KIRREL3: variants seen among roughly 807,000 people sequenced by gnomAD.
KIRREL3 encodes the protein kin of IRRE-like protein 3.
KIRREL3 carries 36 observed loss-of-function variants against 89.7 expected under a neutral mutation model. The observed-to-expected ratio is 0.40, with a 90% CI of 0.31 to 0.53. KIRREL3 has a LOEUF of 0.53. KIRREL3 is among the 20% of genes least tolerant of loss of function. KIRREL3 has a pLI of 0.49. For synonymous variants in KIRREL3, 445 were observed against 441.4 expected (o/e 1.01, Z -0.10); for missense variants, 864 against 1,056.6 (o/e 0.82, Z 2.53).
At chr11:126,937,384 T>C (rs186021293) in intron 1 of KIRREL3, among the ~76,000 whole-genome samples, 67 of 152,354 alleles carry the variant, frequency 4.4e-4, no homozygotes, top group Non-Finnish European at 7.8e-4. Context: ...TGCCTTAACA[T>C]ACACTAGCTC....
intron 1 of KIRREL3, among the ~76,000 whole-genome samples, chr11:126,757,141 C>T (rs923718358): frequency 6.6e-6 from 1 of 152,154 alleles, no homozygotes; most frequent in Admixed American, 6.5e-5. Context: ...AATTCCATCT[C>T]CATTTCATGG....
chr11:126,904,035 A>C lies in KIRREL3; in HGVS notation c.55+96420T>G, dbSNP rs1028101117. On this transcript the variant is annotated intron_variant, in intron 1 of 16. Coordinates refer to ENST00000525144, the MANE Select transcript of KIRREL3 (RefSeq NM_032531.4). The surrounding 1 kb of genome is among the most constrained non-coding windows in gnomAD (Gnocchi z 4.4). ...CAACTCTGGCCTGGAGGTAATTCTCAAGCAGGGATTTCTGCACTGGGAGGA... is the reference window on the plus strand; with the variant it reads ...CAACTCTGGCCTGGAGGTAATTCTCCAGCAGGGATTTCTGCACTGGGAGGA... Among the ~76,000 whole-genome samples, 5 of 152,214 alleles carry C rather than the reference A, an allele frequency of 3.3e-5. No homozygotes were observed. Among genetic ancestry groups the C allele is most frequent in the African/African-American group, 1.2e-4 (5 of 41,546 alleles).
intron 1 of KIRREL3, among the ~76,000 whole-genome samples, chr11:126,926,625 C>T (rs1464707024): frequency 6.6e-6 from 1 of 152,156 alleles, no homozygotes; most frequent in Non-Finnish European, 1.5e-5. Context: ...GCTGCCAGAG[C>T]TCTGCCTGGA....
chr11:126,737,286 T>C (rs980060308), intron 1 of KIRREL3, among the ~76,000 whole-genome samples: 4 of 151,802 alleles, frequency 2.6e-5, no homozygotes, highest in African/African-American at 9.7e-5. Context: ...GGAGCAGGGA[T>C]GCACCTTCAG....
chr11:126,976,793 A>G lies in KIRREL3; in HGVS notation c.55+23662T>C, dbSNP rs1398753728. Among the ~76,000 whole-genome samples, 2 of 152,166 alleles carry G rather than the reference A, an allele frequency of 1.3e-5. No homozygotes were observed. The highest frequency in any genetic ancestry group is 4.8e-5 in the African/African-American group (2 of 41,440). On this transcript the variant is annotated intron_variant, in intron 1 of 16. Transcript: ENST00000525144. The surrounding 1 kb of genome is among the most constrained non-coding windows in gnomAD (Gnocchi z 4.2). ...GATATGTCTACATCATAGAAGGGTAAAGGAGAGGGGAGGTTACTACTGGCA... is the reference window on the plus strand; with the variant it reads ...GATATGTCTACATCATAGAAGGGTAGAGGAGAGGGGAGGTTACTACTGGCA...
upstream of KIRREL3, among the ~76,000 whole-genome samples, chr11:127,001,667 C>T (rs762236365): frequency 3.9e-5 from 6 of 152,160 alleles, no homozygotes; most frequent in Non-Finnish European, 7.3e-5. Flanking sequence ...TCAAATCAAA[C>T]TCGGTTTCCT....
At chr11:126,517,331 G>T (rs1204657528) in intron 4 of KIRREL3, among the ~76,000 whole-genome samples, 1 of 152,172 alleles carries the variant, frequency 6.6e-6, no homozygotes, top group African/African-American at 2.4e-5. Context: ...CTTGCCCAAG[G>T]TCACCCAGTT....
rs560444127 is a variant in KIRREL3, at chr11:126,817,905, C to T, written c.55+182550G>A. 2.0e-4 allele frequency among the ~76,000 whole-genome samples: 31 copies of T among 152,304 alleles called. No homozygotes were observed. Among genetic ancestry groups the T allele is most frequent in the African/African-American group, 3.1e-4 (13 of 41,570 alleles). On this transcript the variant is annotated intron_variant, in intron 1 of 16. Transcript: ENST00000525144. The surrounding 1 kb of genome is among the most constrained non-coding windows in gnomAD (Gnocchi z 5.7). ...TGGGAAGCTCTAGATCTTGGCACCCCGTCCTCTTGGCTCTGGCTGAGCCAC... is the reference window on the plus strand; with the variant it reads ...TGGGAAGCTCTAGATCTTGGCACCCTGTCCTCTTGGCTCTGGCTGAGCCAC...
In KIRREL3 at chr11:126,664,875, C is replaced by G. The variant is rs1347023900; in HGVS notation, c.56-101963G>C. On this transcript the variant is annotated intron_variant, in intron 1 of 16. Transcript: ENST00000525144. This position sits in a 1 kb window ranked among gnomAD's most constrained non-coding sequence, Gnocchi z 5.4. ...CATTCCCTGCCTCAACCACAGGTAG[C>G]TGGAGCTCATTCTACAGTGTCCAGA... is the stretch of plus-strand genomic sequence containing the variant. Among the ~76,000 whole-genome samples, 1 of 152,206 alleles carries G rather than the reference C, an allele frequency of 6.6e-6. No individual in the cohort carries two copies. Among genetic ancestry groups the G allele is most frequent in the Non-Finnish European group, 1.5e-5 (1 of 68,032 alleles).
rs1958097035 is a variant in KIRREL3 at position 126,508,443 on chromosome 11, G to C, written c.433+12872C>G. Among the ~76,000 whole-genome samples the C allele has an allele frequency of 6.6e-6, 1 of 152,170 alleles. No individual in the cohort carries two copies. Among genetic ancestry groups the C allele is most frequent in the Admixed American group, 6.5e-5 (1 of 15,284 alleles). On this transcript the variant is annotated intron_variant, in intron 4 of 16. Transcript: ENST00000525144. The surrounding 1 kb of genome is among the most constrained non-coding windows in gnomAD (Gnocchi z 4.9). ...ATGCTGCGGGTCTCGGGGCTCCCCAGGTCCATCTGAGGAGGAGGGGCTGCC... is the reference window on the plus strand; with the variant it reads ...ATGCTGCGGGTCTCGGGGCTCCCCACGTCCATCTGAGGAGGAGGGGCTGCC...
At chr11:126,602,984 T>G (rs1271005644) in intron 1 of KIRREL3, among the ~76,000 whole-genome samples, 1 of 152,094 alleles carries the variant, frequency 6.6e-6, no homozygotes, top group Non-Finnish European at 1.5e-5. Flanking sequence ...GACTGAGGCA[T>G]AGAGACCAAT....
In KIRREL3 at chr11:126,645,313, T is replaced by C. The variant is rs1944624040; in HGVS notation, c.56-82401A>G. Among the ~76,000 whole-genome samples the C allele has an allele frequency of 6.6e-6, 1 of 152,164 alleles. No homozygotes were observed. Among genetic ancestry groups the C allele is most frequent in the South Asian group, 2.1e-4 (1 of 4,820 alleles). ...TTTATGAAGACCTCCAGCGTCTTCA[T>C]GTGTGGTCCTCAAATCCTGAATACT... On this transcript the variant is annotated intron_variant, in intron 1 of 16. Coordinates refer to ENST00000525144, the MANE Select transcript of KIRREL3 (RefSeq NM_032531.4). The surrounding 1 kb of genome is among the most constrained non-coding windows in gnomAD (Gnocchi z 4.9).
At chr11:126,815,700 A>AT (rs1354028110) in intron 1 of KIRREL3, among the ~76,000 whole-genome samples, 1 of 152,046 alleles carries the variant, frequency 6.6e-6, no homozygotes, top group Admixed American at 6.6e-5. Flanking sequence ...CGCCCGGCTA[A>AT]TTTTTTGTAT....
At position 126,531,982 on chromosome 11, in the gene KIRREL3, A is replaced by G. The variant is rs574235839; in HGVS notation, c.134-5295T>C. 4.6e-5 allele frequency among the ~76,000 whole-genome samples: 7 copies of G among 152,346 alleles called. No homozygotes were observed. Among genetic ancestry groups the G allele is most frequent in the South Asian group, 2.1e-4 (1 of 4,828 alleles). On this transcript the variant is annotated intron_variant, in intron 2 of 16. Coordinates refer to ENST00000525144, the MANE Select transcript of KIRREL3 (RefSeq NM_032531.4). The surrounding 1 kb of genome is among the most constrained non-coding windows in gnomAD (Gnocchi z 4.7). ...TAACCCGGCAGATACTGTTCAGAGC[A>G]CACCACACAGGAGAAAGGTGAGAAA...
intron 1 of KIRREL3, among the ~76,000 whole-genome samples, chr11:126,714,179 C>A (rs1359354210): frequency 6.6e-6 from 1 of 152,188 alleles, no homozygotes; most frequent in African/African-American, 2.4e-5. Flanking sequence ...ACCTAGAGCA[C>A]CTTACCTGCC....
chr11:126,583,131 G>A lies in KIRREL3; in HGVS notation c.56-20219C>T, dbSNP rs138394064. Among the ~76,000 whole-genome samples, 281 of 152,282 alleles carry A rather than the reference G, an allele frequency of 1.8e-3. 2 individuals carry two copies. The highest frequency in any genetic ancestry group is 9.4e-3 in the Admixed American group (144 of 15,302). On this transcript the variant is annotated intron_variant, in intron 1 of 16. Transcript: ENST00000525144. ...TGGCTCCCCGGGCCCCATACCTCCT[G>A]TGTGCTCCTGGAGCCTTCTCCATCT... is the stretch of plus-strand genomic sequence containing the variant.
rs1408100279 is a variant in KIRREL3 at position 126,601,383 on chromosome 11, G to A, written c.56-38471C>T. ...CCTGAGGCGATGGGAACACAGCTCT[G>A]GGAGCACCTGCAATCTCATCTTGTT... On this transcript the variant is annotated intron_variant, in intron 1 of 16. Coordinates refer to ENST00000525144, the MANE Select transcript of KIRREL3 (RefSeq NM_032531.4). The surrounding 1 kb of genome is among the most constrained non-coding windows in gnomAD (Gnocchi z 5.8). Among the ~76,000 whole-genome samples, 1 of 152,198 alleles carries A rather than the reference G, an allele frequency of 6.6e-6. No individual in the cohort carries two copies. The highest frequency in any genetic ancestry group is 1.5e-5 in the Non-Finnish European group (1 of 68,044).
intron 13 of KIRREL3, among the ~76,000 whole-genome samples, chr11:126,433,419 C>T (rs978248521): frequency 6.6e-6 from 1 of 152,190 alleles, no homozygotes; most frequent in Non-Finnish European, 1.5e-5. Flanking sequence ...TGCCCTCCGG[C>T]CAGAGGGAGC....
rs971473807 is a variant in KIRREL3 at position 126,750,718 on chromosome 11, G to A, written c.56-187806C>T. ...CCTGACACCAGGAAGTAGGTATAAT[G>A]TTTATTATTTTATAGGTAAGGAAGC... On this transcript the variant is annotated intron_variant, in intron 1 of 16. Transcript: ENST00000525144. The surrounding 1 kb of genome is among the most constrained non-coding windows in gnomAD (Gnocchi z 4.2). Among the ~76,000 whole-genome samples the A allele has an allele frequency of 6.6e-6, 1 of 152,212 alleles. No individual in the cohort carries two copies. Among genetic ancestry groups the A allele is most frequent in the Non-Finnish European group, 1.5e-5 (1 of 68,040 alleles).
Sources: allele counts gnomAD v4.1 joint callset (sites outside exome capture counted in the v4.1 genomes callset), GRCh38; gene constraint gnomAD v4.1.1; non-coding constraint Gnocchi (gnomAD v3.1); transcripts MANE v1.5; gene names NCBI Gene and HGNC (gene_info 2026-07-23, HGNC 2026-07-21).